DRC11: variants seen among roughly 807,000 people sequenced by gnomAD.
DRC11 encodes the protein dynein regulatory complex subunit 11.
chr2:236,367,574 T>C, the DRC11 span: 3 of 151,520 alleles, frequency 2.0e-5, no homozygotes, highest in African/African-American at 7.3e-5. The surrounding 1 kb of genome is among the most constrained non-coding windows in gnomAD (Gnocchi z 4.8). Flanking sequence ...ATTCAGGTCA[T>C]ACACATATCA....
At chr2:236,424,528 C>A in the DRC11 span, among the ~76,000 whole-genome samples, 1 of 152,016 alleles carries the variant, frequency 6.6e-6, no homozygotes, top group Non-Finnish European at 1.5e-5. Context: ...TTTATTAGGG[C>A]ATAATTGACA....
At chr2:236,490,364 C>CATGG in the DRC11 span, among the ~76,000 whole-genome samples, 1 of 152,174 alleles carries the variant, frequency 6.6e-6, no homozygotes, top group Non-Finnish European at 1.5e-5. This position sits in a 1 kb window ranked among gnomAD's most constrained non-coding sequence, Gnocchi z 5.5. Context: ...CACTAAGCAA[C>CATGG]CCACTACCCT....
chr2:236,306,778 T>A, the DRC11 span, among the ~76,000 whole-genome samples: 1 of 152,176 alleles, frequency 6.6e-6, no homozygotes, highest in Non-Finnish European at 1.5e-5. This position sits in a 1 kb window ranked among gnomAD's most constrained non-coding sequence, Gnocchi z 5.9. Flanking sequence ...ATGTCAAATT[T>A]TCTATTCCTA....
chr2:236,338,636 C>CA, the DRC11 span, among the ~76,000 whole-genome samples: 1 of 152,080 alleles, frequency 6.6e-6, no homozygotes, highest in Non-Finnish European at 1.5e-5. Context: ...AGGAAGGAAG[C>CA]ACCTTGGCCC....
the DRC11 span, chr2:236,331,533 G>A: frequency 1.2e-6 from 2 of 1,613,806 alleles, no homozygotes; most frequent in Non-Finnish European, 1.7e-6. The surrounding 1 kb of genome is among the most constrained non-coding windows in gnomAD (Gnocchi z 4.8). Context: ...CCTTCGCCAG[G>A]CAGCTGACAT....
At chr2:236,444,240 C>T in the DRC11 span, among the ~76,000 whole-genome samples, 2 of 152,100 alleles carry the variant, frequency 1.3e-5, no homozygotes, top group African/African-American at 4.8e-5. Flanking sequence ...TCGCCTTTGG[C>T]GTTTTCATCA....
chr2:236,444,262 C>T, the DRC11 span, among the ~76,000 whole-genome samples: 60 of 152,280 alleles, frequency 3.9e-4, no homozygotes, highest in African/African-American at 1.4e-3. Context: ...GAAATCTTTG[C>T]CTATGCCTAT....
chr2:236,358,004 ATT>A, the DRC11 span, among the ~76,000 whole-genome samples: 8 of 114,126 alleles, frequency 7.0e-5, no homozygotes, highest in Non-Finnish European at 9.9e-5. Context: ...ATGAATATAT[ATT>A]TATAATATAT....
At chr2:236,347,508 C>CTCTA in the DRC11 span, among the ~76,000 whole-genome samples, 1 of 107,542 alleles carries the variant, frequency 9.3e-6, no homozygotes, top group Non-Finnish European at 2.2e-5. Flanking sequence ...AAAAACTGTG[C>CTCTA]TATATATATA....
chr2:236,329,978 C>T, the DRC11 span, among the ~76,000 whole-genome samples: 5 of 151,854 alleles, frequency 3.3e-5, no homozygotes, highest in Admixed American at 1.3e-4. Context: ...GGCTCAGCCA[C>T]GAGAAAGGAT....
the DRC11 span, among the ~76,000 whole-genome samples, chr2:236,463,385 C>T: frequency 6.6e-6 from 1 of 152,158 alleles, no homozygotes; most frequent in Non-Finnish European, 1.5e-5. The surrounding 1 kb of genome is among the most constrained non-coding windows in gnomAD (Gnocchi z 5.0). Context: ...TCAAATTCCT[C>T]ATTTTAAATA....
chr2:236,475,862 T>C, the DRC11 span, among the ~76,000 whole-genome samples: 2 of 152,196 alleles, frequency 1.3e-5, no homozygotes, highest in Non-Finnish European at 2.9e-5. This position sits in a 1 kb window ranked among gnomAD's most constrained non-coding sequence, Gnocchi z 4.8. Context: ...GGAGTCTTTG[T>C]CGAAAATAAA....
At chr2:236,442,014 T>C in the DRC11 span, among the ~76,000 whole-genome samples, 1 of 152,114 alleles carries the variant, frequency 6.6e-6, no homozygotes, top group Non-Finnish European at 1.5e-5. Context: ...GGTGGGAGGA[T>C]CACTTGAGTC....
the DRC11 span, among the ~76,000 whole-genome samples, chr2:236,339,271 T>C: frequency 1.3e-5 from 2 of 152,364 alleles, no homozygotes; most frequent in East Asian, 3.9e-4. Context: ...TTTGTCTTTT[T>C]ATTATTGAGT....
chr2:236,366,327 T>G, the DRC11 span, among the ~76,000 whole-genome samples: 1 of 152,052 alleles, frequency 6.6e-6, no homozygotes, highest in Non-Finnish European at 1.5e-5. Flanking sequence ...AGTGGCCAGG[T>G]TTTTAGTCTG....
chr2:236,447,026 G>T, the DRC11 span, among the ~76,000 whole-genome samples: 5 of 151,464 alleles, frequency 3.3e-5, no homozygotes, highest in Non-Finnish European at 2.9e-5. The surrounding 1 kb of genome is among the most constrained non-coding windows in gnomAD (Gnocchi z 4.6). Context: ...GGATGCTCAG[G>T]TCTCACTCAT....
the DRC11 span, among the ~76,000 whole-genome samples, chr2:236,389,036 C>A: frequency 6.6e-6 from 1 of 152,066 alleles, no homozygotes; most frequent in Admixed American, 6.5e-5. Flanking sequence ...TCTCCAGCTG[C>A]CTGCTGGGAG....
At chr2:236,392,626 A>G in the DRC11 span, among the ~76,000 whole-genome samples, 1 of 152,200 alleles carries the variant, frequency 6.6e-6, no homozygotes, top group Non-Finnish European at 1.5e-5. This position sits in a 1 kb window ranked among gnomAD's most constrained non-coding sequence, Gnocchi z 5.1. Context: ...GTGTGATACA[A>G]TAGTATTCTA....
chr2:236,397,446 A>G, the DRC11 span, among the ~76,000 whole-genome samples: 1 of 152,210 alleles, frequency 6.6e-6, no homozygotes, highest in Non-Finnish European at 1.5e-5. The surrounding 1 kb of genome is among the most constrained non-coding windows in gnomAD (Gnocchi z 5.0). Context: ...TTCTTGGGAC[A>G]TCCTAGAGAA....
Sources: allele counts gnomAD v4.1 joint callset (sites outside exome capture counted in the v4.1 genomes callset), GRCh38; gene constraint gnomAD v4.1.1; non-coding constraint Gnocchi (gnomAD v3.1); transcripts MANE v1.5; gene names NCBI Gene and HGNC (gene_info 2026-07-23, HGNC 2026-07-21).